Variants in BEND7 observed in about 807,000 individuals in gnomAD.
BEND7 encodes BEN domain-containing protein 7.
BEND7 carries 28 observed loss-of-function variants against 50.9 expected under a neutral mutation model. That is an observed-to-expected ratio of 0.55 (90% CI 0.41 to 0.75). The LOEUF is 0.75. BEND7 is among the 30% of genes least tolerant of loss of function. The probability of loss-of-function intolerance (pLI) is 0.00; values close to 1 mark genes in which losing one functional copy is unlikely to be tolerated. For missense variants in BEND7, 477 were observed against 491.3 expected, an observed-to-expected ratio of 0.97 and a Z score of 0.28; for synonymous variants, 170 against 183.9, an observed-to-expected ratio of 0.92 and a Z score of 0.61.
intron 5 of BEND7, among the ~76,000 whole-genome samples, chr10:13,490,123 C>T (rs755978505): frequency 9.2e-5 from 14 of 152,114 alleles, no homozygotes; most frequent in Admixed American, 3.9e-4. Flanking sequence ...CCTTGTGGGC[C>T]CTTATGTTTG....
intron 6 of BEND7, among the ~76,000 whole-genome samples, chr10:13,478,320 C>G (rs2075605208): frequency 6.6e-6 from 1 of 152,196 alleles, no homozygotes; most frequent in African/African-American, 2.4e-5. Flanking sequence ...TCAGAGAGAA[C>G]CCCTCCCTGC....
Position 13,503,417 on chromosome 10 carries a change from A to C in BEND7, c.146-3337T>G, listed in dbSNP as rs533536662. Among the ~76,000 whole-genome samples, 10 of 152,288 alleles carry C rather than the reference A, an allele frequency of 6.6e-5. No homozygotes were observed. The South Asian group carries it at 1.9e-3, about 28-fold the overall frequency. ...CACTGTGGCATGTTTTAAAGGATGG[A>C]ACACATCCTTTAAAGGATGGCACAG... On this transcript the variant is annotated intron_variant, in intron 2 of 8. Transcript: ENST00000466271.
chr10:13,439,513 A>ATGAG, downstream of BEND7: 1 of 1,576,308 alleles, frequency 6.3e-7, no homozygotes, highest in South Asian at 1.2e-5. Context: ...GAATGAATGA[A>ATGAG]TGAGTGAATG....
intron 6 of BEND7, among the ~76,000 whole-genome samples, chr10:13,466,949 G>A (rs1459462460): frequency 1.3e-5 from 2 of 152,150 alleles, no homozygotes; most frequent in African/African-American, 4.8e-5. Context: ...AGGTCAGACC[G>A]CAACCCAGAG....
chr10:13,460,799 G>A (rs977231308), intron 6 of BEND7, among the ~76,000 whole-genome samples: 9 of 152,220 alleles, frequency 5.9e-5, no homozygotes, highest in Non-Finnish European at 1.2e-4. Flanking sequence ...ACACAAACTG[G>A]GGGGAGGGTT....
chr10:13,502,494 C>T (rs573352667), intron 2 of BEND7, among the ~76,000 whole-genome samples: 31 of 152,172 alleles, frequency 2.0e-4, no homozygotes, highest in African/African-American at 7.5e-4. Context: ...TGAGAATGAA[C>T]GACCAAGCGA....
intron 6 of BEND7, among the ~76,000 whole-genome samples, chr10:13,457,364 A>G (rs1412723654): frequency 1.3e-5 from 2 of 152,230 alleles, no homozygotes; most frequent in Admixed American, 6.5e-5. Flanking sequence ...CTCAGTCACT[A>G]AAAGGGCAGC....
intron 2 of BEND7, 66 bp downstream of exon 2, chr10:13,526,071 CT>C: frequency 9.4e-6 from 8 of 848,536 alleles, no homozygotes; most frequent in South Asian, 3.0e-5. Context: ...GAACAATTTC[CT>C]TTTTTCCCCC....
chr10:13,452,427 C>T (rs1277538888), intron 7 of BEND7, 112 bp downstream of exon 7: 1 of 1,173,712 alleles, frequency 8.5e-7, no homozygotes, highest in Non-Finnish European at 1.2e-6. Context: ...TATAAACAGT[C>T]TCTCCTTCAA....
chr10:13,462,641 G>C (rs1414513647), intron 6 of BEND7, among the ~76,000 whole-genome samples: 1 of 152,108 alleles, frequency 6.6e-6, no homozygotes, highest in Non-Finnish European at 1.5e-5. Context: ...AGACATGAGA[G>C]ATGGAAATAG....
intron 6 of BEND7, among the ~76,000 whole-genome samples, chr10:13,466,298 A>T (rs565995510): frequency 1.3e-5 from 2 of 151,758 alleles, no homozygotes; most frequent in South Asian, 4.2e-4. Context: ...GCAGTGGTTC[A>T]TGCCTGTAAT....
intron 5 of BEND7, among the ~76,000 whole-genome samples, chr10:13,485,465 G>T (rs915978068): frequency 1.3e-5 from 2 of 152,160 alleles, no homozygotes; most frequent in Non-Finnish European, 2.9e-5. Flanking sequence ...TGGGGATTTG[G>T]GGGGCTGGGC....
chr10:13,460,149 T>G (rs949575408), intron 6 of BEND7: 1 of 152,782 alleles, frequency 6.5e-6, no homozygotes, highest in Non-Finnish European at 1.5e-5. Context: ...ACCTACTGTG[T>G]GCAAACAGAA....
At chr10:13,442,235 T>C (rs1835442860) in intron 8 of BEND7, 1 of 153,852 alleles carries the variant, frequency 6.5e-6, no homozygotes. Context: ...CTCTTAACAT[T>C]CTGTGCTTTG....
At chr10:13,500,694 G>A (rs1210903946) in intron 2 of BEND7, 6 of 985,534 alleles carry the variant, frequency 6.1e-6, no homozygotes, top group African/African-American at 5.2e-5. Context: ...AGAGAGGACG[G>A]CCGAGGAGAC....
intron 6 of BEND7, among the ~76,000 whole-genome samples, chr10:13,476,708 C>T (rs1415413557): frequency 2.6e-5 from 4 of 152,178 alleles, no homozygotes; most frequent in African/African-American, 9.7e-5. Context: ...CTAGCCTCAG[C>T]AGGTAAGGAA....
In BEND7 at chr10:13,502,878, T is replaced by C. The variant is rs557445231; in HGVS notation, c.146-2798A>G. The C allele has an allele frequency of 2.4e-5, 24 of 985,306 alleles. No individual in the cohort carries two copies. In the East Asian group the frequency reaches 2.2e-3, roughly 89 times the overall value. The allele number at this position is 985,306 out of a possible 1,614,324, so 61.0% of individuals were successfully genotyped here. On this transcript the variant is annotated intron_variant, in intron 2 of 8. Transcript: ENST00000466271. ...ATACCCACCCCGGCTCTCAAGTCCA[T>C]GCCAGCTTGCTTCTCTACACTAACT... is the stretch of plus-strand genomic sequence containing the variant.
intron 2 of BEND7, among the ~76,000 whole-genome samples, chr10:13,520,498 T>G (rs1401240702): frequency 6.6e-6 from 1 of 152,096 alleles, no homozygotes; most frequent in African/African-American, 2.4e-5. Flanking sequence ...GCCTTGATTC[T>G]AGGCCCATGA....
In BEND7 at chr10:13,484,878, T is replaced by C. The variant is rs143078105; in HGVS notation, c.838-3754A>G. 1.4e-3 allele frequency among the ~76,000 whole-genome samples: 207 copies of C among 152,318 alleles called. 5 individuals carry two copies. The South Asian group carries it at 0.033, about 24-fold the overall frequency. Reference sequence around the variant, plus strand: ...CAACAATGTATCAAATGCTGACTCTTCCTTATTCATCTCACACTGGGTGAA... The same window carrying C: ...CAACAATGTATCAAATGCTGACTCTCCCTTATTCATCTCACACTGGGTGAA... On this transcript the variant is annotated intron_variant, in intron 5 of 8. Transcript: ENST00000466271.
Sources: gnomAD v4.1 joint callset for allele counts (sites outside exome capture counted in the v4.1 genomes callset) on GRCh38, gnomAD v4.1.1 for gene constraint, MANE v1.5 for transcripts, NCBI Gene and HGNC (gene_info 2026-07-23, HGNC 2026-07-21) for gene names.